COL21A1: variants seen among roughly 807,000 people sequenced by gnomAD.
COL21A1 encodes the protein collagen alpha-1(XXI) chain.
Under a neutral mutation model 137.9 loss-of-function variants are expected in COL21A1, and 149 were observed. That is an observed-to-expected ratio of 1.08 (90% CI 0.95 to 1.24). The LOEUF is 1.24. Among genes scored for constraint, COL21A1 ranks in the 50% most tolerant of loss-of-function variants. The probability of loss-of-function intolerance (pLI) is 0.00; values close to 1 mark genes in which losing one functional copy is unlikely to be tolerated. For synonymous variants in COL21A1, 456 were observed against 391.5 expected (o/e 1.16, Z -1.95); for missense variants, 1,167 against 1,158.4 (o/e 1.01, Z -0.11).
chr6:56,277,798 ATAGT>A (rs1306235454), intron 1 of COL21A1, among the ~76,000 whole-genome samples: 16 of 152,348 alleles, frequency 1.1e-4, no homozygotes, highest in East Asian at 3.9e-4. Context: ...AATGTTAGTA[ATAGT>A]TGGTGAATTC....
In COL21A1 at chr6:56,353,352, C is replaced by T. The variant is rs80085368; in HGVS notation, c.-39+40619G>A. ...TTCCACAGCTGCCAGACTGGAGAGACCACAGAGAGACAGAGATATGCCTGA... is the reference window on the plus strand; with the variant it reads ...TTCCACAGCTGCCAGACTGGAGAGATCACAGAGAGACAGAGATATGCCTGA... On this transcript the variant is annotated intron_variant, in intron 1 of 28. Transcript: ENST00000370819. Among the ~76,000 whole-genome samples, 12 of 152,264 alleles carry T rather than the reference C, an allele frequency of 7.9e-5. No individual in the cohort carries two copies. In the East Asian group the frequency reaches 1.2e-3, roughly 15 times the overall value.
At chr6:56,276,492 A>G (rs1763658102) in intron 1 of COL21A1, 1 of 868,708 alleles carries the variant, frequency 1.2e-6, no homozygotes, top group South Asian at 1.8e-5. Context: ...AGAGAGGGGG[A>G]ACAACTTAAA....
At chr6:56,296,803 A>T (rs554033568) in intron 1 of COL21A1, among the ~76,000 whole-genome samples, 1 of 152,164 alleles carries the variant, frequency 6.6e-6, no homozygotes, top group South Asian at 2.1e-4. Flanking sequence ...TCCATAAAAC[A>T]CTTGAGAAAT....
chr6:56,330,964 A>G (rs9370522), intron 1 of COL21A1, among the ~76,000 whole-genome samples: 106,552 of 151,980 alleles, frequency 0.7, 37,688 homozygotes, highest in East Asian at 0.9. Context: ...ATCTGTTGTC[A>G]TCTGACTTTT....
Position 56,098,630 on chromosome 6 carries a change from TATATATAAATATATATAA to T in COL21A1, c.1812+2824_1812+2841del, listed in dbSNP as rs1279009806. ...AAATATATATAAATATATATAAATATATATATAAATATATATAAATATATAAATATATATAAATATATA... is the reference window on the plus strand; with the variant it reads ...AAATATATATAAATATATATAAATATATATATAAATATATATAAATATATA... On this transcript the variant is annotated intron_variant, in intron 17 of 29. Coordinates refer to ENST00000244728, the MANE Select transcript of COL21A1 (RefSeq NM_030820.4). 1.5e-3 allele frequency among the ~76,000 whole-genome samples: 56 copies of T among 37,810 alleles called. 9 individuals are homozygous for T. The highest frequency in any genetic ancestry group is 4.9e-3 in the African/African-American group (31 of 6,340). 24.8% of individuals were successfully genotyped at this position (37,810 alleles called of 152,430 possible).
At chr6:56,087,061 CTTTTGTTTTGTTTTG>C (rs58458377) in intron 17 of COL21A1, among the ~76,000 whole-genome samples, 1,668 of 148,994 alleles carry the variant, frequency 0.011, 24 homozygotes, top group African/African-American at 0.037. Flanking sequence ...GTCCCTTCAC[CTTTTGTTTTGTTTTG>C]TTTTGTTTTG....
At chr6:56,104,820 G>T (rs534604032) in intron 16 of COL21A1, among the ~76,000 whole-genome samples, 6 of 152,198 alleles carry the variant, frequency 3.9e-5, no homozygotes, top group African/African-American at 1.4e-4. Context: ...CATTCCATGT[G>T]TATTTCCTTT....
intron 1 of COL21A1, among the ~76,000 whole-genome samples, chr6:56,289,865 G>A (rs1763999646): frequency 6.6e-6 from 1 of 152,112 alleles, no homozygotes. Flanking sequence ...ACTGCCTGAT[G>A]TTTGCAACCA....
intron 1 of COL21A1, among the ~76,000 whole-genome samples, chr6:56,309,039 A>C (rs991437954): frequency 4.9e-5 from 7 of 144,104 alleles, no homozygotes; most frequent in Non-Finnish European, 1.1e-4. Flanking sequence ...CTCAGTCCTC[A>C]ATTATCTTTT....
At chr6:56,183,249 GTACA>G (rs10609153) in intron 1 of COL21A1, among the ~76,000 whole-genome samples, 3,167 of 152,186 alleles carry the variant, frequency 0.021, 71 homozygotes, top group African/African-American at 0.05. Context: ...ACAACAATGA[GTACA>G]TACCAGATAA....
At chr6:56,282,047 A>T (rs1186018597) in intron 1 of COL21A1, among the ~76,000 whole-genome samples, 1 of 152,198 alleles carries the variant, frequency 6.6e-6, no homozygotes, top group Non-Finnish European at 1.5e-5. Context: ...GTAAGTTTTC[A>T]TTCGAAATAT....
At chr6:56,218,748 A>C (rs1780641102) in intron 1 of COL21A1, among the ~76,000 whole-genome samples, 1 of 152,128 alleles carries the variant, frequency 6.6e-6, no homozygotes, top group African/African-American at 2.4e-5. Flanking sequence ...GACAACTTGC[A>C]ACACCAACAA....
intron 10 of COL21A1, among the ~76,000 whole-genome samples, chr6:56,151,953 G>T (rs1775364554): frequency 6.6e-6 from 1 of 152,142 alleles, no homozygotes; most frequent in South Asian, 2.1e-4. Context: ...CTGCGGGGAG[G>T]GGCTGGATAT....
chr6:56,182,477 A>T (rs1020246330), intron 2 of COL21A1, 54 bp downstream of exon 2: 2 of 1,200,922 alleles, frequency 1.7e-6, no homozygotes. Context: ...CCCCTAGTTT[A>T]ATTTCCAGAT....
chr6:56,106,634 C>T (rs1770919531), intron 16 of COL21A1, among the ~76,000 whole-genome samples: 1 of 152,056 alleles, frequency 6.6e-6, no homozygotes, highest in African/African-American at 2.4e-5. Context: ...AAAATATATA[C>T]AGGATAGTTC....
At chr6:56,105,804 T>C (rs140962146) in intron 16 of COL21A1, among the ~76,000 whole-genome samples, 138 of 152,354 alleles carry the variant, frequency 9.1e-4, no homozygotes, top group African/African-American at 3.2e-3. Flanking sequence ...CTTGGAAATA[T>C]CCAATGAGTT....
intron 12 of COL21A1, among the ~76,000 whole-genome samples, chr6:56,135,827 A>G (rs1773956990): frequency 2.0e-5 from 3 of 151,982 alleles, no homozygotes; most frequent in Admixed American, 6.6e-5. Context: ...TTTCCTTTAA[A>G]CTCCTAGAGA....
intron 1 of COL21A1, among the ~76,000 whole-genome samples, chr6:56,320,412 A>G (rs559996479): frequency 1.3e-5 from 2 of 152,118 alleles, no homozygotes; most frequent in East Asian, 3.9e-4. Flanking sequence ...TGTATTTTAA[A>G]GTAAGACCAG....
At chr6:56,108,087 CGTA>C (rs775312733) in intron 16 of COL21A1, among the ~76,000 whole-genome samples, 2 of 151,530 alleles carry the variant, frequency 1.3e-5, no homozygotes, top group Non-Finnish European at 2.9e-5. Context: ...GAATAGTAAA[CGTA>C]GTATAAAGAC....
Sources: allele counts gnomAD v4.1 joint callset (sites outside exome capture counted in the v4.1 genomes callset), GRCh38; gene constraint gnomAD v4.1.1; transcripts MANE v1.5; gene names NCBI Gene and HGNC (gene_info 2026-07-23, HGNC 2026-07-21).